Variants in TRPC4 observed in about 807,000 individuals in gnomAD.
The protein encoded by TRPC4 is transient receptor potential cation channel subfamily C member 4, also known as short transient receptor potential channel 4.
In TRPC4, 49 loss-of-function variants were observed where a neutral mutation model predicts 99.4. The observed-to-expected ratio is 0.49, with a 90% CI of 0.39 to 0.63. The LOEUF is 0.63. Among genes scored for constraint, TRPC4 ranks in the 20% least tolerant of loss-of-function variants. The pLI is 0.00. For synonymous variants in TRPC4, 454 were observed against 425.9 expected (o/e 1.07, Z -0.81); for missense variants, 898 against 1,152.9 (o/e 0.78, Z 3.20).
intron 3 of TRPC4, among the ~76,000 whole-genome samples, chr13:37,736,235 G>T (rs1431213512): frequency 6.6e-6 from 1 of 152,094 alleles, no homozygotes; most frequent in Admixed American, 6.6e-5. Flanking sequence ...GGCTGGGGTA[G>T]AGCATTAGGG....
chr13:37,691,795 C>T (rs1028024657), intron 4 of TRPC4, among the ~76,000 whole-genome samples: 7 of 152,106 alleles, frequency 4.6e-5, no homozygotes, highest in African/African-American at 7.2e-5. Flanking sequence ...TTTAAGGTTA[C>T]GTTTCTTAAG....
chr13:37,749,560 C>T (rs980701429), intron 2 of TRPC4, among the ~76,000 whole-genome samples: 2 of 151,842 alleles, frequency 1.3e-5, no homozygotes, highest in Admixed American at 6.6e-5. Context: ...GGGTCCTCTC[C>T]GATTGCATGA....
intron 5 of TRPC4, among the ~76,000 whole-genome samples, chr13:37,671,047 AC>A (rs1200329198): frequency 6.6e-6 from 1 of 152,136 alleles, no homozygotes; most frequent in Non-Finnish European, 1.5e-5. Context: ...CCTGACCGTG[AC>A]CCACTTGAAG....
intron 2 of TRPC4, among the ~76,000 whole-genome samples, chr13:37,763,027 T>C (rs1324413814): frequency 2.0e-5 from 3 of 151,496 alleles, no homozygotes; most frequent in African/African-American, 7.3e-5. Context: ...ATTAATAAAG[T>C]AATGCAAGGG....
chr13:37,822,375 C>G (rs1253389224), intron 1 of TRPC4, among the ~76,000 whole-genome samples: 4 of 151,924 alleles, frequency 2.6e-5, no homozygotes, highest in Non-Finnish European at 5.9e-5. Flanking sequence ...GCTGCACCCA[C>G]TAACTCGTCA....
chr13:37,803,400 T>C (rs1475238942), intron 1 of TRPC4, among the ~76,000 whole-genome samples: 1 of 152,008 alleles, frequency 6.6e-6, no homozygotes, highest in Non-Finnish European at 1.5e-5. Context: ...CACCCACATA[T>C]AGAGACACAT....
At chr13:37,832,817 G>A (rs1040700227) in intron 1 of TRPC4, among the ~76,000 whole-genome samples, 1 of 152,000 alleles carries the variant, frequency 6.6e-6, no homozygotes, top group African/African-American at 2.4e-5. Flanking sequence ...GTAAAAAGGT[G>A]GAAAGGGCAC....
chr13:37,726,761 A>G (rs1309261819), intron 3 of TRPC4, among the ~76,000 whole-genome samples: 1 of 152,180 alleles, frequency 6.6e-6, no homozygotes, highest in Non-Finnish European at 1.5e-5. Flanking sequence ...AGAATAAAAA[A>G]GGCAATGACA....
chr13:37,755,336 A>C (rs58961409), intron 2 of TRPC4, among the ~76,000 whole-genome samples: 1 of 151,682 alleles, frequency 6.6e-6, no homozygotes, highest in South Asian at 2.1e-4. Context: ...ATGAACACCA[A>C]TCACCTCCTT....
At position 37,707,611 on chromosome 13, in the gene TRPC4, C is replaced by T. The variant is rs1265063461; in HGVS notation, c.898-15276G>A. 3.3e-5 allele frequency among the ~76,000 whole-genome samples: 5 copies of T among 152,104 alleles called. No individual in the cohort carries two copies. The East Asian group carries it at 9.6e-4, about 29-fold the overall frequency. On this transcript the variant is annotated intron_variant, in intron 3 of 10. Transcript: ENST00000379705. ...AGTTTTACAGTTTCCTATGTCAGTACTAATATCCATTCCAACTCCTTCCTA... is the reference window on the plus strand; with the variant it reads ...AGTTTTACAGTTTCCTATGTCAGTATTAATATCCATTCCAACTCCTTCCTA...
At chr13:37,685,282 T>C (rs1052703580) in intron 4 of TRPC4, among the ~76,000 whole-genome samples, 4 of 152,124 alleles carry the variant, frequency 2.6e-5, no homozygotes, top group African/African-American at 9.7e-5. Context: ...TCTCACACTT[T>C]TGGGTGAGTG....
intron 8 of TRPC4, among the ~76,000 whole-genome samples, chr13:37,639,530 C>G (rs1453939168): frequency 6.6e-6 from 1 of 151,886 alleles, no homozygotes; most frequent in Non-Finnish European, 1.5e-5. Context: ...AATGACAGAA[C>G]TGTTGTTCTC....
At chr13:37,844,719 A>T (rs1038059281) in intron 1 of TRPC4, among the ~76,000 whole-genome samples, 2 of 152,106 alleles carry the variant, frequency 1.3e-5, no homozygotes, top group Non-Finnish European at 2.9e-5. Flanking sequence ...TAGATCATCT[A>T]GTACTGCCAA....
rs1290353053 is a variant in TRPC4, at chr13:37,786,468, G to C, written c.-27-3108C>G. Among the ~76,000 whole-genome samples the C allele has an allele frequency of 4.0e-5, 6 of 151,820 alleles. 1 individual carries two copies. The highest frequency in any genetic ancestry group is 2.1e-4 in the South Asian group (1 of 4,826). ...TTGAGATGCGGGGATACTAACTGGAGGACAAAAACAATAAAGTTTAACATT... is the reference window on the plus strand; with the variant it reads ...TTGAGATGCGGGGATACTAACTGGACGACAAAAACAATAAAGTTTAACATT... On this transcript the variant is annotated intron_variant, in intron 1 of 10. Coordinates refer to ENST00000379705, the MANE Select transcript of TRPC4 (RefSeq NM_016179.4).
chr13:37,651,232 A>G, intron 8 of TRPC4, 33 bp downstream of exon 8: 1 of 1,611,528 alleles, frequency 6.2e-7, no homozygotes, highest in Non-Finnish European at 8.5e-7. Context: ...CACAATTTAA[A>G]AAAAGAGTAA....
intron 3 of TRPC4, among the ~76,000 whole-genome samples, chr13:37,698,380 C>A: frequency 6.6e-6 from 1 of 151,210 alleles, no homozygotes; most frequent in South Asian, 2.1e-4. Flanking sequence ...CCAGGATGGT[C>A]TCGATCTCCT....
intron 3 of TRPC4, among the ~76,000 whole-genome samples, chr13:37,695,348 A>C (rs1013081039): frequency 6.6e-6 from 1 of 152,162 alleles, no homozygotes; most frequent in African/African-American, 2.4e-5. Context: ...ATTCTTTGAC[A>C]GTGGCCACCA....
At chr13:37,714,875 A>T (rs1417714365) in intron 3 of TRPC4, among the ~76,000 whole-genome samples, 5 of 152,126 alleles carry the variant, frequency 3.3e-5, no homozygotes, top group African/African-American at 1.2e-4. Context: ...TATTTTTTAT[A>T]ATCTCTCCCA....
intron 1 of TRPC4, among the ~76,000 whole-genome samples, chr13:37,783,964 T>G (rs1332609736): frequency 6.6e-6 from 1 of 152,142 alleles, no homozygotes; most frequent in African/African-American, 2.4e-5. Flanking sequence ...TGCCTTGGCC[T>G]CCCAAAGTGC....
Sources: allele counts gnomAD v4.1 joint callset (sites outside exome capture counted in the v4.1 genomes callset), GRCh38; gene constraint gnomAD v4.1.1; transcripts MANE v1.5; gene names NCBI Gene and HGNC (gene_info 2026-07-23, HGNC 2026-07-21).